Variants in NALF1 observed in about 807,000 individuals in gnomAD.
NALF1 encodes the protein family with sequence similarity 155 member A.
Under a neutral mutation model 48.4 loss-of-function variants are expected in NALF1, and 3 were observed. The observed-to-expected ratio is 0.06, with a 90% CI of 0.03 to 0.16. NALF1 has a LOEUF of 0.16. Among genes scored for constraint, NALF1 ranks in the 10% least tolerant of loss-of-function variants. The pLI, the probability that NALF1 is intolerant of heterozygous loss-of-function variation, is 1.00. For synonymous variants in NALF1, 262 were observed against 245.7 expected (o/e 1.07, Z -0.62); for missense variants, 526 against 571.5 (o/e 0.92, Z 0.81).
chr13:107,602,977 G>T (rs546210208), intron 1 of NALF1, among the ~76,000 whole-genome samples: 2 of 152,130 alleles, frequency 1.3e-5, no homozygotes, highest in African/African-American at 4.8e-5. Context: ...GGGCAATTTC[G>T]CAGCTCTCTT....
intron 1 of NALF1, among the ~76,000 whole-genome samples, chr13:107,805,444 G>C (rs893120625): frequency 6.6e-6 from 1 of 152,102 alleles, no homozygotes. Flanking sequence ...ATTTTAGGAT[G>C]TCCAAGATAA....
At chr13:107,617,750 G>C (rs1191031948) in intron 1 of NALF1, among the ~76,000 whole-genome samples, 1 of 152,132 alleles carries the variant, frequency 6.6e-6, no homozygotes, top group Non-Finnish European at 1.5e-5. Flanking sequence ...TTTCAGGAGT[G>C]CTGACAATTT....
chr13:107,445,217 C>T (rs905107487), intron 1 of NALF1, among the ~76,000 whole-genome samples: 3 of 152,250 alleles, frequency 2.0e-5, no homozygotes, highest in African/African-American at 7.2e-5. Flanking sequence ...CTCTGTAGTC[C>T]CTTAAAGTAG....
chr13:107,263,315 G>A (rs1880974094), intron 1 of NALF1, among the ~76,000 whole-genome samples: 1 of 151,196 alleles, frequency 6.6e-6, no homozygotes, highest in African/African-American at 2.4e-5. Flanking sequence ...CACAGTTGAT[G>A]TGTCTATGAA....
intron 1 of NALF1, among the ~76,000 whole-genome samples, chr13:107,349,623 C>T (rs1271045024): frequency 2.6e-5 from 4 of 151,986 alleles, no homozygotes; most frequent in Non-Finnish European, 4.4e-5. Context: ...TGCCTGTAGT[C>T]CCAGCTACTT....
intron 1 of NALF1, among the ~76,000 whole-genome samples, chr13:107,862,891 T>C (rs1475317615): frequency 6.6e-6 from 1 of 151,846 alleles, no homozygotes; most frequent in Non-Finnish European, 1.5e-5. Context: ...CTCTAAAATT[T>C]AGAAATCACT....
intron 1 of NALF1, among the ~76,000 whole-genome samples, chr13:107,276,383 G>T (rs1303278492): frequency 6.6e-6 from 1 of 152,046 alleles, no homozygotes; most frequent in Admixed American, 6.6e-5. Flanking sequence ...CTCTTCCTGA[G>T]GTTGTTCCTT....
intron 1 of NALF1, among the ~76,000 whole-genome samples, chr13:107,449,741 G>A (rs77938114): frequency 4.6e-4 from 70 of 152,210 alleles, no homozygotes; most frequent in Middle Eastern, 3.4e-3. Context: ...ATTTTCGCAC[G>A]GCACTTAGTA....
At chr13:107,755,358 G>A (rs935098664) in intron 1 of NALF1, among the ~76,000 whole-genome samples, 1 of 151,438 alleles carries the variant, frequency 6.6e-6, no homozygotes, top group African/African-American at 2.4e-5. Context: ...TTAATTTTTG[G>A]TGTCCTTACC....
At chr13:107,696,506 AC>A in intron 1 of NALF1, among the ~76,000 whole-genome samples, 1 of 151,962 alleles carries the variant, frequency 6.6e-6, no homozygotes, top group South Asian at 2.1e-4. Flanking sequence ...TCTACTGCCT[AC>A]TAGTTAGGAG....
chr13:107,284,274 T>C (rs1311026409), intron 1 of NALF1, among the ~76,000 whole-genome samples: 1 of 152,042 alleles, frequency 6.6e-6, no homozygotes, highest in Non-Finnish European at 1.5e-5. Context: ...AGTTAGTATA[T>C]TTAATACTCA....
intron 1 of NALF1, among the ~76,000 whole-genome samples, chr13:107,472,212 C>A (rs979551309): frequency 1.7e-4 from 26 of 152,024 alleles, no homozygotes; most frequent in Admixed American, 6.6e-4. Flanking sequence ...ACCTGTAATC[C>A]CAGGTACTTG....
chr13:107,556,481 T>C (rs1877488060), intron 1 of NALF1, among the ~76,000 whole-genome samples: 1 of 152,026 alleles, frequency 6.6e-6, no homozygotes, highest in African/African-American at 2.4e-5. Context: ...CTGTTTATTT[T>C]ATTTTTATTT....
intron 1 of NALF1, among the ~76,000 whole-genome samples, chr13:107,231,961 T>C (rs1880235777): frequency 6.6e-6 from 1 of 152,226 alleles, no homozygotes. Flanking sequence ...TTTTATTTTC[T>C]AAAAATAGAG....
intron 1 of NALF1, among the ~76,000 whole-genome samples, chr13:107,851,799 C>A (rs7337307): frequency 2.9e-5 from 4 of 140,016 alleles, no homozygotes; most frequent in African/African-American, 1.0e-4. Context: ...GCTTTACAGG[C>A]CCTTTCTTTT....
chr13:107,729,811 T>C (rs970118300), intron 1 of NALF1, among the ~76,000 whole-genome samples: 2 of 152,178 alleles, frequency 1.3e-5, no homozygotes, highest in Non-Finnish European at 2.9e-5. Context: ...AAAATAGTCT[T>C]GAATGAATTA....
intron 1 of NALF1, among the ~76,000 whole-genome samples, chr13:107,411,017 T>G (rs1236841344): frequency 2.6e-5 from 4 of 152,172 alleles, no homozygotes. Context: ...ATGGAAATGC[T>G]TGCAACTGGT....
chr13:107,775,189 G>A (rs912202200), intron 1 of NALF1, among the ~76,000 whole-genome samples: 8 of 148,180 alleles, frequency 5.4e-5, no homozygotes, highest in Admixed American at 1.3e-4. Flanking sequence ...ATATCTCCCA[G>A]TGCTATCCCT....
chr13:107,395,624 A>G (rs1883699784), intron 1 of NALF1, among the ~76,000 whole-genome samples: 1 of 152,154 alleles, frequency 6.6e-6, no homozygotes, highest in Non-Finnish European at 1.5e-5. Flanking sequence ...AAACTGCATT[A>G]GCTTGCTAGG....
Sources: gnomAD v4.1 joint callset for allele counts (sites outside exome capture counted in the v4.1 genomes callset) on GRCh38, gnomAD v4.1.1 for gene constraint, MANE v1.5 for transcripts, NCBI Gene and HGNC (gene_info 2026-07-23, HGNC 2026-07-21) for gene names.